Variants in CEP72 observed in about 807,000 individuals in gnomAD.
CEP72 encodes centrosomal protein 72, also known as centrosomal protein of 72 kDa.
A neutral mutation model predicts 65.7 loss-of-function variants in CEP72; 78 were observed. That is an observed-to-expected ratio of 1.19 (90% CI 0.99 to 1.43). The LOEUF is 1.43. Among genes scored for constraint, CEP72 ranks in the 40% most tolerant of loss-of-function variants. The pLI is 0.00. For synonymous variants in CEP72, 358 were observed against 351.7 expected (o/e 1.02, Z -0.20); for missense variants, 914 against 832.9 (o/e 1.10, Z -1.20).
intron 1 of CEP72, among the ~76,000 whole-genome samples, chr5:616,806 GTGTGTGTGTA>G (rs1293434244): frequency 9.7e-5 from 13 of 134,206 alleles, no homozygotes; most frequent in Middle Eastern, 3.6e-3. Context: ...GTGTGTGTGT[GTGTGTGTGTA>G]TGTGTGTGTG....
chr5:669,288 G>A (rs1020902868), downstream of CEP72, among the ~76,000 whole-genome samples: 1 of 152,104 alleles, frequency 6.6e-6, no homozygotes, highest in African/African-American at 2.4e-5. Flanking sequence ...AGCCCGGTGA[G>A]CCGGAGGTGC....
chr5:643,784 G>A (rs552447153), intron 9 of CEP72: 8 of 408,574 alleles, frequency 2.0e-5, no homozygotes, highest in African/African-American at 1.1e-4. Context: ...AGCTGCAGGC[G>A]TGGCCCTTTC....
the CEP72 span, among the ~76,000 whole-genome samples, chr5:675,021 CG>C: frequency 4.4e-5 from 3 of 68,648 alleles, no homozygotes; most frequent in Admixed American, 2.2e-4. Flanking sequence ...ACAGTGTGGC[CG>C]GGGGAGCAGT....
chr5:632,235 C>G (rs1737246517), intron 4 of CEP72, among the ~76,000 whole-genome samples: 1 of 54,166 alleles, frequency 1.8e-5, no homozygotes, highest in Non-Finnish European at 3.8e-5. Flanking sequence ...TTGACCCAGT[C>G]CTGGTGGGGT....
the CEP72 span, among the ~76,000 whole-genome samples, chr5:675,596 TGGGGGGTACAGTGTG>T: frequency 9.6e-6 from 1 of 104,538 alleles, no homozygotes; most frequent in African/African-American, 3.7e-5. Context: ...GGGTGCAGCA[TGGGGGGTACAGTGTG>T]GCCGGGAGTG....
intron 9 of CEP72, chr5:640,938 C>G: frequency 1.0e-6 from 1 of 985,484 alleles, no homozygotes; most frequent in Non-Finnish European, 1.2e-6. Context: ...GGGCCTCGAA[C>G]TGGGGAAAAC....
At chr5:627,904 TC>T (rs1226893506) in intron 4 of CEP72, among the ~76,000 whole-genome samples, 1 of 152,110 alleles carries the variant, frequency 6.6e-6, no homozygotes, top group African/African-American at 2.4e-5. Context: ...GTAAAAGTCT[TC>T]CCCCGCCATT....
At chr5:666,056 G>A (rs754589560) in exon 4 of CEP72, 4 of 1,611,978 alleles carry the variant, frequency 2.5e-6, no homozygotes, top group East Asian at 4.5e-5. Flanking sequence ...TCTTTGAATC[G>A]CTTCTTGGCG....
chr5:675,464 A>G, the CEP72 span, among the ~76,000 whole-genome samples: 2 of 13,952 alleles, frequency 1.4e-4, no homozygotes, highest in Non-Finnish European at 1.2e-4. Context: ...GGTGCAGCAC[A>G]GGGGGTGCAG....
intron 3 of CEP72, chr5:665,874 T>G: frequency 3.5e-5 from 4 of 114,996 alleles, no homozygotes; most frequent in Non-Finnish European, 4.9e-5. Context: ...CCCCAATCCA[T>G]GTCCCTCCTG....
chr5:644,255 C>G (rs778243631), intron 9 of CEP72, 44 bp from the exon 10 acceptor site: 1 of 1,598,382 alleles, frequency 6.3e-7, no homozygotes, highest in Non-Finnish European at 8.5e-7. Context: ...ACGCATTTTA[C>G]TGAATTTGAC....
At chr5:667,406 A>T (rs182081360), downstream of CEP72, among the ~76,000 whole-genome samples, 1 of 152,286 alleles carries the variant, frequency 6.6e-6, no homozygotes, top group East Asian at 1.9e-4. Flanking sequence ...ACTGCACACT[A>T]TATACAAAAC....
chr5:644,883 G>A (rs1738311861), intron 10 of CEP72, among the ~76,000 whole-genome samples: 1 of 152,196 alleles, frequency 6.6e-6, no homozygotes, highest in Non-Finnish European at 1.5e-5. Context: ...GCCTGCTGTG[G>A]TCAAGATGCA....
chr5:642,159 C>T (rs992621184), intron 9 of CEP72: 3 of 905,684 alleles, frequency 3.3e-6, no homozygotes, highest in Non-Finnish European at 3.9e-6. Context: ...CACGTGGTCC[C>T]CCGTCTAGAA....
intron 1 of CEP72, among the ~76,000 whole-genome samples, chr5:613,965 G>C (rs1735838607): frequency 1.3e-5 from 2 of 152,226 alleles, no homozygotes; most frequent in South Asian, 4.1e-4. Flanking sequence ...AGGGCTCTGA[G>C]GAAGCAGGTG....
Position 619,105 on chromosome 5 carries a change from G to A in CEP72, c.198G>A (p.Leu66=), listed in dbSNP as rs762669911. 1 of 1,612,982 alleles carries A rather than the reference G, an allele frequency of 6.2e-7. No individual in the cohort carries two copies. The highest frequency in any genetic ancestry group is 1.1e-5 in the South Asian group (1 of 91,010). Residue 66 remains leucine, a synonymous_variant, in exon 2 of 12, where the codon TTG becomes TTA. Transcript: ENST00000264935. ...LKSLDLSRNS[L]VSLEGIQYLT... ...CTTTGGATCTCTCGCGCAACTCCTT[G>A]GTTAGTCTGGAGGTAAGTTTTAGGT...
chr5:668,406 GCA>G, downstream of CEP72, among the ~76,000 whole-genome samples: 1 of 116,408 alleles, frequency 8.6e-6, no homozygotes. Flanking sequence ...GTACCGACAA[GCA>G]CACAGAGAGG....
the CEP72 span, among the ~76,000 whole-genome samples, chr5:675,567 G>A: frequency 1.3e-5 from 2 of 148,220 alleles, no homozygotes; most frequent in Admixed American, 6.7e-5. Context: ...CAGTGTGGCT[G>A]GGGGTGCGGT....
At chr5:675,345 G>T in the CEP72 span, among the ~76,000 whole-genome samples, 1 of 96,758 alleles carries the variant, frequency 1.0e-5, no homozygotes, top group African/African-American at 4.1e-5. Flanking sequence ...GTGGCTGGGG[G>T]TGCAGTGTGG....
Sources: gnomAD v4.1 joint callset for allele counts (sites outside exome capture counted in the v4.1 genomes callset) on GRCh38, gnomAD v4.1.1 for gene constraint, MANE v1.5 for transcripts, NCBI Gene and HGNC (gene_info 2026-07-23, HGNC 2026-07-21) for gene names.